Variants in CCSER1 observed in about 807,000 individuals in gnomAD.
CCSER1 encodes coiled-coil serine rich protein 1, also known as serine-rich coiled-coil domain-containing protein 1.
Under a neutral mutation model 82.0 loss-of-function variants are expected in CCSER1, and 41 were observed. The ratio of observed to expected loss-of-function variants is 0.50; its 90% CI spans 0.39 to 0.65. The LOEUF is 0.65. Ranked by LOEUF, CCSER1 falls within the 30% of genes least tolerant of loss-of-function variation. CCSER1 has a pLI of 0.00. For synonymous variants in CCSER1, 414 were observed against 383.9 expected (o/e 1.08, Z -0.92); for missense variants, 1,119 against 1,064.2 (o/e 1.05, Z -0.72).
rs79833406 is a variant in CCSER1 at position 90,665,849 on chromosome 4, G to T, written c.1932+37617G>T. On this transcript the variant is annotated intron_variant, in intron 6 of 10. Transcript: ENST00000509176. Reference sequence around the variant, plus strand: ...GTTTCTCTGGTGCAAATCTCAAAGGGCAGTCTTCAAGGTGTTGGCAGTTTG... The same window carrying T: ...GTTTCTCTGGTGCAAATCTCAAAGGTCAGTCTTCAAGGTGTTGGCAGTTTG... Among the ~76,000 whole-genome samples the T allele has an allele frequency of 3.9e-4, 60 of 152,266 alleles. No individual in the cohort carries two copies. In the East Asian group the frequency reaches 8.7e-3, roughly 22 times the overall value.
intron 8 of CCSER1, among the ~76,000 whole-genome samples, chr4:90,906,377 G>A (rs17017809): frequency 0.28 from 43,227 of 151,866 alleles, 6,554 homozygotes; most frequent in Non-Finnish European, 0.32. Context: ...CTAGCTGATC[G>A]TCAACCTGTA....
intron 1 of CCSER1, among the ~76,000 whole-genome samples, chr4:90,167,042 T>C (rs1471470235): frequency 6.6e-6 from 1 of 152,072 alleles, no homozygotes; most frequent in Non-Finnish European, 1.5e-5. Flanking sequence ...GTGTATTGTT[T>C]ATTATAATTG....
intron 5 of CCSER1, among the ~76,000 whole-genome samples, chr4:90,620,157 G>A (rs1343475849): frequency 1.3e-5 from 2 of 152,048 alleles, no homozygotes; most frequent in Non-Finnish European, 2.9e-5. Flanking sequence ...AGTGGGAGTC[G>A]TTACTATTTA....
At chr4:91,470,445 T>TA (rs33924867) in intron 10 of CCSER1, among the ~76,000 whole-genome samples, 101,645 of 151,362 alleles carry the variant, frequency 0.67, 34,450 homozygotes, top group East Asian at 0.89. Flanking sequence ...ACTGAAATGG[T>TA]AAAAAAAATA....
chr4:90,888,610 A>G, intron 8 of CCSER1, among the ~76,000 whole-genome samples: 1 of 152,162 alleles, frequency 6.6e-6, no homozygotes, highest in African/African-American at 2.4e-5. Context: ...AACTAATTAA[A>G]TGGGAAAATA....
Position 91,199,327 on chromosome 4 carries a change from CAG to C in CCSER1, c.2217+113334_2217+113335del, listed in dbSNP as rs1175271017. Among the ~76,000 whole-genome samples the C allele has an allele frequency of 1.9e-4, 29 of 152,110 alleles. 1 individual carries two copies. The highest frequency in any genetic ancestry group is 1.9e-3 in the Admixed American group (29 of 15,258). On this transcript the variant is annotated intron_variant, in intron 10 of 10. Coordinates refer to ENST00000509176, the MANE Select transcript of CCSER1 (RefSeq NM_001145065.2). Reference sequence around the variant, plus strand: ...GTTAAAAAGAAATGTCCGTTGCAAACAGGGAGCAAAATTTAAGTATAAAGATG... The same window carrying C: ...GTTAAAAAGAAATGTCCGTTGCAAACGGAGCAAAATTTAAGTATAAAGATG...
chr4:90,883,832 C>T (rs1721708654), intron 8 of CCSER1, among the ~76,000 whole-genome samples: 1 of 151,832 alleles, frequency 6.6e-6, no homozygotes. Context: ...TGAAATAATA[C>T]AGAAAGTTGG....
At chr4:90,230,892 G>A (rs1354802462) in intron 1 of CCSER1, among the ~76,000 whole-genome samples, 3 of 152,234 alleles carry the variant, frequency 2.0e-5, no homozygotes, top group African/African-American at 4.8e-5. Context: ...TAAATTCCTT[G>A]ACACATACAC....
chr4:91,067,147 G>C (rs1392124245), intron 9 of CCSER1, among the ~76,000 whole-genome samples: 1 of 149,116 alleles, frequency 6.7e-6, no homozygotes, highest in African/African-American at 2.5e-5. Context: ...CTGGGCGACA[G>C]AGCCAGACAA....
chr4:90,428,653 G>A (rs1008371947), intron 4 of CCSER1, among the ~76,000 whole-genome samples: 4 of 151,838 alleles, frequency 2.6e-5, no homozygotes, highest in Non-Finnish European at 4.4e-5. Flanking sequence ...AGTAGGCCAA[G>A]GAGGAGAAGG....
intron 9 of CCSER1, among the ~76,000 whole-genome samples, chr4:90,973,654 C>T (rs1344855926): frequency 6.6e-6 from 1 of 151,594 alleles, no homozygotes; most frequent in Non-Finnish European, 1.5e-5. Context: ...AATCTTACTT[C>T]TGGGTATATA....
intron 1 of CCSER1, among the ~76,000 whole-genome samples, chr4:90,175,671 T>C (rs561715813): frequency 2.0e-5 from 3 of 152,132 alleles, no homozygotes; most frequent in Non-Finnish European, 4.4e-5. Flanking sequence ...ATCCCAAATA[T>C]TTTGGATAAT....
chr4:90,872,622 T>A (rs886572682), intron 8 of CCSER1, among the ~76,000 whole-genome samples: 1 of 152,010 alleles, frequency 6.6e-6, no homozygotes, highest in East Asian at 1.9e-4. Context: ...TCTTTTAGTC[T>A]TTCTACTCAA....
At chr4:90,659,883 T>C (rs1730433311) in intron 6 of CCSER1, among the ~76,000 whole-genome samples, 1 of 152,118 alleles carries the variant, frequency 6.6e-6, no homozygotes, top group Admixed American at 6.5e-5. Flanking sequence ...ATGATGAACA[T>C]TTTTTCATAT....
At chr4:90,829,621 G>A (rs1760889646) in intron 8 of CCSER1, among the ~76,000 whole-genome samples, 1 of 152,030 alleles carries the variant, frequency 6.6e-6, no homozygotes, top group Admixed American at 6.6e-5. Context: ...AAGAGAGCGA[G>A]GCAAGTTTCA....
At chr4:90,516,103 GCCC>G (rs1484073347) in intron 5 of CCSER1, among the ~76,000 whole-genome samples, 4 of 152,142 alleles carry the variant, frequency 2.6e-5, no homozygotes, top group African/African-American at 9.7e-5. Flanking sequence ...ATTATAACAC[GCCC>G]TTCTTTGGAC....
chr4:90,539,363 C>T (rs1007806267), intron 5 of CCSER1, among the ~76,000 whole-genome samples: 3 of 152,058 alleles, frequency 2.0e-5, no homozygotes, highest in African/African-American at 7.2e-5. Flanking sequence ...GAAACATTCT[C>T]TGGAATATAG....
intron 10 of CCSER1, among the ~76,000 whole-genome samples, chr4:91,312,914 A>G (rs917027837): frequency 6.6e-6 from 1 of 152,042 alleles, no homozygotes; most frequent in African/African-American, 2.4e-5. Context: ...AGCATGTGGT[A>G]ACTCCCGTCT....
chr4:90,221,357 A>G (rs931178868), intron 1 of CCSER1, among the ~76,000 whole-genome samples: 1 of 152,154 alleles, frequency 6.6e-6, no homozygotes, highest in African/African-American at 2.4e-5. Flanking sequence ...ATATTTAGGT[A>G]GACTAGATAG....
Sources: gnomAD v4.1 joint callset for allele counts (sites outside exome capture counted in the v4.1 genomes callset) on GRCh38, gnomAD v4.1.1 for gene constraint, MANE v1.5 for transcripts, NCBI Gene and HGNC (gene_info 2026-07-23, HGNC 2026-07-21) for gene names.